TTC39C: variants seen among roughly 807,000 people sequenced by gnomAD.
The protein encoded by TTC39C is tetratricopeptide repeat domain 39C.
A neutral mutation model predicts 76.3 loss-of-function variants in TTC39C; 33 were observed. That is an observed-to-expected ratio of 0.43 (90% CI 0.33 to 0.58). The LOEUF (loss-of-function observed/expected upper bound fraction) is 0.58, where lower values mean the gene tolerates loss of function less well. Ranked by LOEUF, TTC39C falls within the 20% of genes least tolerant of loss-of-function variation. TTC39C has a pLI of 0.04. For missense variants in TTC39C, 595 were observed against 701.4 expected, an observed-to-expected ratio of 0.85 and a Z score of 1.71; for synonymous variants, 254 against 260.6, an observed-to-expected ratio of 0.97 and a Z score of 0.24.
chr18:24,027,965 G>C (rs2083619005), intron 1 of TTC39C, among the ~76,000 whole-genome samples: 1 of 152,122 alleles, frequency 6.6e-6, no homozygotes, highest in African/African-American at 2.4e-5. Context: ...TTATAGCCAG[G>C]TTTGCACAGA....
At chr18:24,073,245 A>G (rs1007084722) in intron 4 of TTC39C, among the ~76,000 whole-genome samples, 1 of 152,208 alleles carries the variant, frequency 6.6e-6, no homozygotes, top group Non-Finnish European at 1.5e-5. Flanking sequence ...CCCATGCTTT[A>G]AACACTTAGC....
chr18:24,111,967 T>C (rs2145805602), intron 6 of TTC39C, among the ~76,000 whole-genome samples: 1 of 152,220 alleles, frequency 6.6e-6, no homozygotes, highest in Admixed American at 6.5e-5. Flanking sequence ...TCAACTGTGT[T>C]AATGGCTGTT....
chr18:24,133,301 CCAGATTGTCTA>C lies in TTC39C; in HGVS notation c.*732_*742del, dbSNP rs1414925110. The C allele has an allele frequency of 2.0e-5, 3 of 152,272 alleles. No individual in the cohort carries two copies. The highest frequency in any genetic ancestry group is 3.9e-4 in the East Asian group (2 of 5,186). 9.4% of individuals were successfully genotyped at this position (152,272 alleles called of 1,614,324 possible). ...GTTATGTCACCAGAAATAGTCATCTCCAGATTGTCTACAGAATGTTTCAAAGCGATGGACAC... is the reference window on the plus strand; with the variant it reads ...GTTATGTCACCAGAAATAGTCATCTCCAGAATGTTTCAAAGCGATGGACAC... On this transcript the variant is annotated 3_prime_UTR_variant, in exon 14 of 14. Coordinates refer to ENST00000317571, the MANE Select transcript of TTC39C (RefSeq NM_001135993.2).
intron 1 of TTC39C, among the ~76,000 whole-genome samples, chr18:24,029,795 T>C (rs932671634): frequency 9.8e-5 from 15 of 152,352 alleles, no homozygotes; most frequent in South Asian, 2.1e-4. Context: ...AGAATGATGG[T>C]CTCCAGCTTT....
At chr18:24,121,308 C>T (rs946705724) in intron 8 of TTC39C, among the ~76,000 whole-genome samples, 1 of 152,134 alleles carries the variant, frequency 6.6e-6, no homozygotes, top group African/African-American at 2.4e-5. Context: ...GGCGGTGGCT[C>T]ACCCCTGTAA....
intron 6 of TTC39C, among the ~76,000 whole-genome samples, chr18:24,098,695 C>T (rs565492624): frequency 8.6e-5 from 13 of 150,986 alleles, no homozygotes; most frequent in African/African-American, 2.7e-4. Flanking sequence ...TGCAGTGGTG[C>T]GTTCTTGGTT....
chr18:24,129,098 C>G (rs2085089164), intron 11 of TTC39C, 115 bp downstream of exon 11: 1 of 653,904 alleles, frequency 1.5e-6, no homozygotes, highest in African/African-American at 1.9e-5. Flanking sequence ...CCACTATAAA[C>G]TTTATCCAAT....
intron 4 of TTC39C, chr18:24,076,670 C>A (rs8085689): frequency 1.3e-5 from 2 of 151,768 alleles, no homozygotes; most frequent in African/African-American, 4.8e-5. Flanking sequence ...GCAACATGGC[C>A]TCTCTCGACA....
intron 5 of TTC39C, 72 bp from the exon 6 acceptor site, chr18:24,082,841 C>T: frequency 6.8e-7 from 1 of 1,469,552 alleles, no homozygotes. Flanking sequence ...AGAACACATA[C>T]TGGAGTTTTG....
upstream of TTC39C, among the ~76,000 whole-genome samples, chr18:24,009,866 G>T (rs981266169): frequency 1.3e-5 from 2 of 152,240 alleles, no homozygotes; most frequent in African/African-American, 4.8e-5. Flanking sequence ...CAACCCAAAG[G>T]GGGATGGTTT....
At position 24,129,952 on chromosome 18, in the gene TTC39C, G is replaced by C. The variant is rs541171114; in HGVS notation, c.1519-361G>C. Among the ~76,000 whole-genome samples, 4 of 152,216 alleles carry C rather than the reference G, an allele frequency of 2.6e-5. No homozygotes were observed. The East Asian group carries it at 7.7e-4, about 29-fold the overall frequency. ...TGTGCTAGCAAGATACAGTCAAGAC[G>C]CATGTCGAGATCATAGTTACCTTGT... On this transcript the variant is annotated intron_variant, in intron 11 of 13. Coordinates refer to ENST00000317571, the MANE Select transcript of TTC39C (RefSeq NM_001135993.2).
upstream of TTC39C, among the ~76,000 whole-genome samples, chr18:24,012,326 C>A (rs1228402339): frequency 1.3e-5 from 2 of 152,170 alleles, no homozygotes; most frequent in Non-Finnish European, 2.9e-5. Context: ...CCACCCCTCC[C>A]CTGCCTATTG....
intron 1 of TTC39C, among the ~76,000 whole-genome samples, chr18:24,008,218 C>A (rs946124577): frequency 6.6e-6 from 1 of 152,214 alleles, no homozygotes; most frequent in South Asian, 2.1e-4. Flanking sequence ...CTACTGCATG[C>A]TCTCGAATGT....
Position 24,030,648 on chromosome 18 carries a change from C to CTTTTTTTTTTTT in TTC39C, c.167+15620_167+15631dup, listed in dbSNP as rs1167104790. ...TCTCTCAACAGCCCCAAAGATAGGCCTTTTTTTTTTTTTTTTTTTTTGAGA... is the reference window on the plus strand; with the variant it reads ...TCTCTCAACAGCCCCAAAGATAGGCCTTTTTTTTTTTTTTTTTTTTTTTTTTTTTTTTTGAGA... On this transcript the variant is annotated intron_variant, in intron 1 of 13. Transcript: ENST00000317571. 3.4e-4 allele frequency among the ~76,000 whole-genome samples: 30 copies of CTTTTTTTTTTTT among 89,062 alleles called. 1 individual carries two copies. Among genetic ancestry groups the CTTTTTTTTTTTT allele is most frequent in the East Asian group, 8.0e-4 (2 of 2,502 alleles). The allele number at this position is 89,062 out of a possible 152,430, so 58.4% of individuals were successfully genotyped here. A position where few individuals can be genotyped will look rare whatever the true frequency, so the allele number is the denominator to read the frequency against.
chr18:24,036,983 A>G (rs1208797453), intron 1 of TTC39C, among the ~76,000 whole-genome samples: 1 of 152,128 alleles, frequency 6.6e-6, no homozygotes, highest in Non-Finnish European at 1.5e-5. Flanking sequence ...AACAGAGATA[A>G]TTTTATTGTT....
At position 24,066,160 on chromosome 18, in the gene TTC39C, G is replaced by T. The variant is rs1348405017; in HGVS notation, c.345+20G>T. ...AAGAACGTAAGTATTGCGGCTTTAG[G>T]TTGTGGACTGTGTGCCACTTATTTA... On this transcript the variant is annotated intron_variant, in intron 3 of 13. Transcript: ENST00000317571. The T allele has an allele frequency of 5.7e-6, 9 of 1,579,400 alleles. No homozygotes were observed. The highest frequency in any genetic ancestry group is 2.4e-5 in the South Asian group (2 of 83,804).
chr18:24,079,806 C>T (rs201138117), intron 4 of TTC39C, among the ~76,000 whole-genome samples: 5 of 140,562 alleles, frequency 3.6e-5, no homozygotes, highest in African/African-American at 7.9e-5. Context: ...TTTTTTCTTT[C>T]TTTTTTTTTT....
At chr18:24,132,364 C>A (rs562215726) in intron 13 of TTC39C, 121 bp from the exon 14 acceptor site, 3 of 710,472 alleles carry the variant, frequency 4.2e-6, no homozygotes, top group African/African-American at 3.7e-5. Flanking sequence ...GGATGGGAAA[C>A]CTTTACTGGG....
At chr18:24,007,678 C>T (rs1192868218) in intron 1 of TTC39C, among the ~76,000 whole-genome samples, 2 of 152,216 alleles carry the variant, frequency 1.3e-5, no homozygotes, top group African/African-American at 4.8e-5. Context: ...GCCACCTCAC[C>T]CAGACTATTT....
Sources: gnomAD v4.1 joint callset for allele counts (sites outside exome capture counted in the v4.1 genomes callset) on GRCh38, gnomAD v4.1.1 for gene constraint, MANE v1.5 for transcripts, NCBI Gene and HGNC (gene_info 2026-07-23, HGNC 2026-07-21) for gene names.